CD244: variants seen among roughly 807,000 people sequenced by gnomAD.
The protein encoded by CD244 is CD244 molecule.
CD244 carries 20 observed loss-of-function variants against 45.5 expected under a neutral mutation model. The ratio of observed to expected loss-of-function variants is 0.44; its 90% CI spans 0.31 to 0.64. CD244 has a LOEUF of 0.64. Ranked by LOEUF, CD244 falls within the 30% of genes least tolerant of loss-of-function variation. CD244 has a pLI of 0.08. For synonymous variants in CD244, 185 were observed against 160.5 expected, an observed-to-expected ratio of 1.15 and a Z score of -1.15; for missense variants, 407 against 426.9, an observed-to-expected ratio of 0.95 and a Z score of 0.41.
chr1:160,862,172 G>A (rs75994853), intron 1 of CD244, among the ~76,000 whole-genome samples: 49 of 152,236 alleles, frequency 3.2e-4, no homozygotes, highest in African/African-American at 1.0e-3. Context: ...TGCTGGCCTC[G>A]CCCTCCCCTC....
intron 3 of CD244, 138 bp from the exon 4 acceptor site, chr1:160,839,187 G>A (rs549388098): frequency 1.6e-5 from 10 of 614,454 alleles, no homozygotes; most frequent in East Asian, 2.8e-5. Flanking sequence ...GAGAACTCAC[G>A]GTCAAGGTTT....
chr1:160,831,223 G>T lies in CD244; in HGVS notation c.*124C>A. 2 of 705,470 alleles carry T rather than the reference G, an allele frequency of 2.8e-6. No individual in the cohort carries two copies. Among genetic ancestry groups the T allele is most frequent in the South Asian group, 1.8e-5 (1 of 55,986 alleles). 43.7% of individuals were successfully genotyped at this position (705,470 alleles called of 1,614,324 possible). On this transcript the variant is annotated 3_prime_UTR_variant, in exon 9 of 9. Coordinates refer to ENST00000368034, the MANE Select transcript of CD244 (RefSeq NM_016382.4). Reference sequence around the variant, plus strand: ...ATTTTCAAAACAAAATATAGAACAAGAACAAATTTCCATATCCTCTCCAGA... The same window carrying T: ...ATTTTCAAAACAAAATATAGAACAATAACAAATTTCCATATCCTCTCCAGA...
At chr1:160,841,999 G>A (rs1380901724) in intron 1 of CD244, 98 bp from the exon 2 acceptor site, 5 of 951,034 alleles carry the variant, frequency 5.3e-6, no homozygotes, top group East Asian at 2.5e-5. Flanking sequence ...ATTGGGTGGG[G>A]ATGAGTATGA....
intron 1 of CD244, among the ~76,000 whole-genome samples, chr1:160,853,242 T>C (rs1467313103): frequency 6.6e-6 from 1 of 152,152 alleles, no homozygotes; most frequent in African/African-American, 2.4e-5. Context: ...CTCACCACAA[T>C]GATGAGTATT....
intron 1 of CD244, among the ~76,000 whole-genome samples, chr1:160,844,418 A>G (rs1669655066): frequency 6.6e-6 from 1 of 152,208 alleles, no homozygotes; most frequent in Non-Finnish European, 1.5e-5. Flanking sequence ...ATGTCCTTGC[A>G]ATGTGACTTT....
At chr1:160,839,104 TC>T in intron 3 of CD244, 55 bp from the exon 4 acceptor site, 1 of 1,322,606 alleles carries the variant, frequency 7.6e-7, no homozygotes. Flanking sequence ...TCTTCTTCCT[TC>T]CCACCTGCCT....
chr1:160,859,774 G>A (rs1198154096), intron 1 of CD244, among the ~76,000 whole-genome samples: 1 of 151,314 alleles, frequency 6.6e-6, no homozygotes, highest in Non-Finnish European at 1.5e-5. Flanking sequence ...GCCAGGCATG[G>A]TGGCACAGAC....
chr1:160,839,170 G>C lies in CD244; in HGVS notation c.656-121C>G, dbSNP rs913383344. The C allele has an allele frequency of 4.9e-5, 32 of 658,402 alleles. No individual in the cohort carries two copies. In the African/African-American group the frequency reaches 4.9e-4, roughly 10 times the overall value. The allele number at this position is 658,402 out of a possible 1,614,324, so 40.8% of individuals were successfully genotyped here. ...TCTCTGTGTTGTGGCTGATTGCCTC[G>C]TGCTCTGAGAACTCACGGTCAAGGT... On this transcript the variant is annotated intron_variant, in intron 3 of 8. Coordinates refer to ENST00000368034, the MANE Select transcript of CD244 (RefSeq NM_016382.4).
In CD244 at chr1:160,859,802, A is replaced by G. The variant is rs571040042; in HGVS notation, c.61+2815T>C. Among the ~76,000 whole-genome samples, 14 of 151,068 alleles carry G rather than the reference A, an allele frequency of 9.3e-5. No homozygotes were observed. The South Asian group carries it at 2.7e-3, about 29-fold the overall frequency. On this transcript the variant is annotated intron_variant, in intron 1 of 8. Coordinates refer to ENST00000368034, the MANE Select transcript of CD244 (RefSeq NM_016382.4). ...GCACAGACCTCTAGTTCCAGCTACC[A>G]GGGAGGCTGAGGTGGGAGGATGGCT... is the stretch of plus-strand genomic sequence containing the variant.
rs1669408866 is a variant in CD244 at position 160,838,456 on chromosome 1, T to C, written c.829A>G (p.Asn277Asp). The C allele has an allele frequency of 6.2e-7, 1 of 1,612,302 alleles. No individual in the cohort carries two copies. The highest frequency in any genetic ancestry group is 2.2e-5 in the East Asian group (1 of 44,886). Residue 277 changes from asparagine to aspartate, a missense_variant, in exon 5 of 9, where the codon AAT becomes GAT. Asn to Asp is a conservative substitution (Grantham distance 23, BLOSUM62 1). Coordinates refer to ENST00000368034, the MANE Select transcript of CD244 (RefSeq NM_016382.4). ...CAGCCTCCGGGATGACATACGTGAT[T>C]TCTCCTGGTTTTCAGATCCTTGACA... Reference protein sequence around the residue: ...EDVKDLKTRRNHEQEQTFPGG... With the variant: ...EDVKDLKTRRDHEQEQTFPGG...
intron 4 of CD244, chr1:160,838,720 C>T: frequency 1.6e-6 from 1 of 617,442 alleles, no homozygotes; most frequent in Non-Finnish European, 2.9e-6. Context: ...CCCAAACCAG[C>T]TGTCTACAGG....
At position 160,836,224 on chromosome 1, in the gene CD244, T is replaced by C; in HGVS notation, c.865A>G (p.Ser289Gly). The change falls in exon 6 of 9, where the codon AGC becomes GGC. Residue 289 changes from serine (S) to glycine (G), a missense_variant. By Grantham distance (56) the Ser-to-Gly change is moderately conservative. Transcript: ENST00000368034. Reference protein sequence around the residue: ...EQEQTFPGGGSTIYSMIQSQS... With the variant: ...EQEQTFPGGGGTIYSMIQSQS... ...GACTGGATCATAGAGTAGATGGTGC[T>C]CCCCCCTCCAGGAAAAGTCTGCTCC... 2 of 1,613,412 alleles carry C rather than the reference T, an allele frequency of 1.2e-6. No homozygotes were observed. Among genetic ancestry groups the C allele is most frequent in the Non-Finnish European group, 1.7e-6 (2 of 1,179,670 alleles).
chr1:160,862,817 A>G lies in CD244; in HGVS notation c.-140T>C, dbSNP rs936926896. On this transcript the variant is annotated 5_prime_UTR_variant, in exon 1 of 9. Transcript: ENST00000368034. ...AACCTGTCCAGCCACAGTTTCCTCA[A>G]TTAGAGGCTGTTAACGCCTGCTGTG... 18 of 646,852 alleles carry G rather than the reference A, an allele frequency of 2.8e-5. No individual in the cohort carries two copies. The highest frequency in any genetic ancestry group is 1.1e-4 in the Admixed American group (4 of 36,480). The allele number at this position is 646,852 out of a possible 1,614,324, so 40.1% of individuals were successfully genotyped here. A position where few individuals can be genotyped will look rare whatever the true frequency, so the allele number is the denominator to read the frequency against.
At chr1:160,835,912 C>G (rs192775308) in intron 6 of CD244, among the ~76,000 whole-genome samples, 1 of 152,294 alleles carries the variant, frequency 6.6e-6, no homozygotes. Context: ...GAAGTTGAGT[C>G]CCCTAACCAG....
chr1:160,838,448 T>TA lies in CD244; in HGVS notation c.834+2dup. The TA allele has an allele frequency of 6.2e-7, 1 of 1,609,536 alleles. No individual in the cohort carries two copies. Among genetic ancestry groups the TA allele is most frequent in the Non-Finnish European group, 8.5e-7 (1 of 1,175,818 alleles). On this transcript the variant is annotated splice_region_variant and intron_variant, in intron 5 of 8. Transcript: ENST00000368034. The stretch of plus-strand genomic sequence containing the variant: ...AGAGACCCCAGCCTCCGGGATGACA[T>TA]ACGTGATTTCTCCTGGTTTTCAGAT...
chr1:160,844,908 G>A (rs1669677177), intron 1 of CD244, among the ~76,000 whole-genome samples: 1 of 152,106 alleles, frequency 6.6e-6, no homozygotes, highest in Non-Finnish European at 1.5e-5. Context: ...CCGGGAGATG[G>A]AGCTTGCAGT....
intron 1 of CD244, among the ~76,000 whole-genome samples, chr1:160,850,150 T>C (rs568069483): frequency 6.6e-6 from 1 of 152,156 alleles, no homozygotes; most frequent in Non-Finnish European, 1.5e-5. Context: ...AAGGTCAATA[T>C]ACAAAAATCA....
intron 4 of CD244, 47 bp downstream of exon 4, chr1:160,838,892 A>T (rs1669429338): frequency 1.6e-6 from 2 of 1,287,878 alleles, no homozygotes; most frequent in Non-Finnish European, 1.1e-6. Context: ...AAGTCACAGG[A>T]TCCAAGGCCT....
chr1:160,832,218 G>A (rs1380796069), intron 8 of CD244, among the ~76,000 whole-genome samples: 1 of 152,160 alleles, frequency 6.6e-6, no homozygotes, highest in Non-Finnish European at 1.5e-5. Flanking sequence ...TCTTGGAAAG[G>A]AGAGATGTCC....
Sources: allele counts gnomAD v4.1 joint callset (sites outside exome capture counted in the v4.1 genomes callset), GRCh38; gene constraint gnomAD v4.1.1; transcripts MANE v1.5; gene names NCBI Gene and HGNC (gene_info 2026-07-23, HGNC 2026-07-21).